Variants in SSC5D observed in about 807,000 individuals in gnomAD.
The protein encoded by SSC5D is soluble scavenger receptor cysteine-rich domain-containing protein SSC5D.
A neutral mutation model predicts 104.6 loss-of-function variants in SSC5D; 106 were observed. That is an observed-to-expected ratio of 1.01 (90% CI 0.87 to 1.19). The LOEUF is 1.19. Ranked by LOEUF, SSC5D falls within the 50% of genes most tolerant of loss-of-function variation. SSC5D has a pLI of 0.00. For synonymous variants in SSC5D, 860 were observed against 883.5 expected, an observed-to-expected ratio of 0.97 and a Z score of 0.47; for missense variants, 1,993 against 2,153.8, an observed-to-expected ratio of 0.93 and a Z score of 1.48.
intron 8 of SSC5D, among the ~76,000 whole-genome samples, chr19:55,497,642 G>A (rs886440606): frequency 6.6e-6 from 1 of 152,124 alleles, no homozygotes; most frequent in Non-Finnish European, 1.5e-5. Flanking sequence ...AATTTGATGT[G>A]TAGCTTTTTG....
chr19:55,504,082 C>T (rs1987581713), intron 12 of SSC5D: 3 of 1,528,316 alleles, frequency 2.0e-6, no homozygotes, highest in Admixed American at 3.9e-5. Context: ...GGGTGGGCTC[C>T]AGCTGTGAGT....
chr19:55,489,357 G>A lies in SSC5D; in HGVS notation c.56G>A (p.Arg19His), dbSNP rs1331595995. 8.3e-6 allele frequency: 12 copies of A among 1,451,412 alleles called. No individual in the cohort carries two copies. The highest frequency in any genetic ancestry group is 2.7e-5 in the East Asian group (1 of 37,176). 89.9% of individuals were successfully genotyped at this position (1,451,412 alleles called of 1,614,324 possible). The change falls in exon 3 of 14, where the codon CGC becomes CAC. Residue 19 changes from arginine to histidine, a missense_variant. Transcript: ENST00000389623. ...CAGCCATTCCTCCAACCCTCAGAGC[G>A]CCTGCGCCTGGCCGATGGCCCCCAT... is the stretch of plus-strand genomic sequence containing the variant. Reference protein sequence around the residue: ...AALVGIQAVERLRLADGPHGC... With the variant: ...AALVGIQAVEHLRLADGPHGC...
chr19:55,491,886 A>C (rs972306390), intron 6 of SSC5D: 1 of 152,256 alleles, frequency 6.6e-6, no homozygotes, highest in South Asian at 2.1e-4. Flanking sequence ...CATTGACTGT[A>C]GGAGGCCGGC....
In SSC5D at chr19:55,517,278, G is replaced by C. The variant is rs929654913; in HGVS notation, c.3002G>C (p.Arg1001Thr). ...CGGCCACCGCGGCCCGCTGCGACCA[G>C]GACAGCGCCCCCAACCCCGTCCCCA... ...ERRPPRPAAT[R>T]TAPPTPSPGP... The change falls in exon 14 of 14, where the codon AGG becomes ACG. Residue 1001 changes from arginine to threonine, a missense_variant. By Grantham distance (71) the Arg-to-Thr change is moderately conservative (BLOSUM62 -1). Around this residue, in one of 6 missense-constraint regions of SSC5D, gnomAD observed 423 missense variants for 409.2 expected, o/e 1.03. Transcript: ENST00000389623. 2 of 1,546,908 alleles carry C rather than the reference G, an allele frequency of 1.3e-6. No homozygotes were observed. The highest frequency in any genetic ancestry group is 2.7e-5 in the African/African-American group (2 of 72,952).
intron 12 of SSC5D, among the ~76,000 whole-genome samples, chr19:55,507,159 T>C (rs938913788): frequency 4.8e-5 from 7 of 146,796 alleles, no homozygotes; most frequent in African/African-American, 1.8e-4. Context: ...ACAGAGACTG[T>C]CTCGAAAAAA....
chr19:55,514,365 A>G (rs1987821386), intron 13 of SSC5D, among the ~76,000 whole-genome samples: 2 of 150,474 alleles, frequency 1.3e-5, no homozygotes, highest in South Asian at 4.2e-4. Flanking sequence ...AGATTGCGCC[A>G]CTGCACTCCA....
At position 55,493,870 on chromosome 19, in the gene SSC5D, C is replaced by T; in HGVS notation, c.1171C>T (p.His391Tyr). ...RFCPARPWGQ[H>Y]DCHHREDAGA... ...CTGCCCAGCTCGGCCCTGGGGCCAG[C>T]ATGACTGTCACCACCGCGAGGACGC... is the stretch of plus-strand genomic sequence containing the variant. Residue 391 changes from histidine (H) to tyrosine (Y), a missense_variant, in exon 7 of 14, where the codon CAT becomes TAT. Around this residue, in one of 6 missense-constraint regions of SSC5D, gnomAD observed 1,101 missense variants for 1,085.0 expected, o/e 1.01. Coordinates refer to ENST00000389623, the MANE Select transcript of SSC5D (RefSeq NM_001144950.2). The T allele has an allele frequency of 6.5e-7, 1 of 1,548,668 alleles. No individual in the cohort carries two copies. Among genetic ancestry groups the T allele is most frequent in the Non-Finnish European group, 8.7e-7 (1 of 1,146,658 alleles).
chr19:55,516,704 C>T (rs1053900730), intron 13 of SSC5D, among the ~76,000 whole-genome samples: 3 of 152,284 alleles, frequency 2.0e-5, no homozygotes, highest in Non-Finnish European at 4.4e-5. Flanking sequence ...GATCTTGCCA[C>T]CGCACTCCAG....
Position 55,517,348 on chromosome 19 carries a change from T to C in SSC5D, c.3072T>C (p.Ser1024=), listed in dbSNP as rs1268656214. The change falls in exon 14 of 14, where the codon TCT becomes TCC. Residue 1024 remains serine (S), a synonymous_variant. Transcript: ENST00000389623. ...GACCCCCAGGCCCAGCGCTGACCTCTGACTCCAGTCGAGAGCTCACTCCCC... is the reference window on the plus strand; with the variant it reads ...GACCCCCAGGCCCAGCGCTGACCTCCGACTCCAGTCGAGAGCTCACTCCCC... ...SPGPPGPALT[S]DSSRELTPHS... The C allele has an allele frequency of 2.6e-6, 4 of 1,550,290 alleles. No homozygotes were observed. The highest frequency in any genetic ancestry group is 3.5e-6 in the Non-Finnish European group (4 of 1,146,932).
chr19:55,505,984 G>A (rs914687727), intron 12 of SSC5D, among the ~76,000 whole-genome samples: 5 of 151,822 alleles, frequency 3.3e-5, no homozygotes, highest in African/African-American at 7.3e-5. Flanking sequence ...TGATCCACCC[G>A]CCTTGGTCAC....
chr19:55,507,100 C>T (rs10417714), intron 12 of SSC5D, among the ~76,000 whole-genome samples: 18,489 of 151,230 alleles, frequency 0.12, 1,259 homozygotes, highest in African/African-American at 0.17. Context: ...ACCTGGGAGG[C>T]GGAGGCCACA....
intron 1 of SSC5D, 104 bp from the exon 2 acceptor site, chr19:55,488,902 G>A (rs907394628): frequency 2.3e-5 from 3 of 132,410 alleles, no homozygotes; most frequent in East Asian, 5.3e-4. Context: ...GTGTGTGTGT[G>A]TGTGTGTGTG....
chr19:55,494,727 G>A lies in SSC5D; in HGVS notation c.1331G>A (p.Gly444Asp). Residue 444 changes from glycine (G) to aspartate (D), a missense_variant, in exon 8 of 14, where the codon GGC becomes GAC. Transcript: ENST00000389623. ...ACGAGCCAGGCTCCAGGGACGGCAG[G>A]CGTTTCACCTCCTCCAGCCTCCCCT... ...TMTSQAPGTAGVSPPPASPTV... is the reference protein window; with the variant it reads ...TMTSQAPGTADVSPPPASPTV... The A allele has an allele frequency of 3.9e-6, 6 of 1,550,284 alleles. No homozygotes were observed. The highest frequency in any genetic ancestry group is 5.2e-6 in the Non-Finnish European group (6 of 1,146,648).
intron 9 of SSC5D, among the ~76,000 whole-genome samples, 187 bp from the exon 10 acceptor site, chr19:55,499,629 G>A (rs1344750448): frequency 6.6e-6 from 1 of 152,194 alleles, no homozygotes; most frequent in Non-Finnish European, 1.5e-5. Context: ...GCTTGCCATA[G>A]GCTACCCGAG....
At position 55,495,233 on chromosome 19, in the gene SSC5D, A is replaced by ATATATATATATATAATT. The variant is rs1555765051; in HGVS notation, c.1387+451_1387+452insATATATATATATAATTT. Among the ~76,000 whole-genome samples, 6 of 50,664 alleles carry ATATATATATATATAATT rather than the reference A, an allele frequency of 1.2e-4. 1 individual carries two copies. In the East Asian group the frequency reaches 5.7e-3, roughly 48 times the overall value. 33.2% of individuals were successfully genotyped at this position (50,664 alleles called of 152,430 possible). Reference sequence around the variant, plus strand: ...CCTCCTTTCATATATATATATATATATTTTTTTTTTTTTTTTTTTTTTTTT... The same window carrying ATATATATATATATAATT: ...CCTCCTTTCATATATATATATATATATATATATATATATAATTTTTTTTTTTTTTTTTTTTTTTTTTT... On this transcript the variant is annotated intron_variant, in intron 8 of 13. Coordinates refer to ENST00000389623, the MANE Select transcript of SSC5D (RefSeq NM_001144950.2).
At position 55,518,977 on chromosome 19, in the gene SSC5D, A is replaced by G; in HGVS notation, c.4701A>G (p.Arg1567=). ...CCACTACCCCAGAGGAAGAAGAAAG[A>G]CCCCTGAGGGGAGACGTGTGACCCT... is the stretch of plus-strand genomic sequence containing the variant. The part of the protein sequence containing the change: ...PTTTTPEEEE[R]PLRGDV Residue 1567 remains arginine (R), a synonymous_variant, in exon 14 of 14, where the codon AGA becomes AGG. Coordinates refer to ENST00000389623, the MANE Select transcript of SSC5D (RefSeq NM_001144950.2). The G allele has an allele frequency of 6.5e-7, 1 of 1,549,934 alleles. No individual in the cohort carries two copies. Among genetic ancestry groups the G allele is most frequent in the Admixed American group, 2.0e-5 (1 of 50,926 alleles).
At position 55,493,846 on chromosome 19, in the gene SSC5D, T is replaced by C; in HGVS notation, c.1147T>C (p.Cys383Arg). The C allele has an allele frequency of 6.5e-7, 1 of 1,549,346 alleles. No individual in the cohort carries two copies. The highest frequency in any genetic ancestry group is 8.7e-7 in the Non-Finnish European group (1 of 1,146,640). ...CRGNETALRF[C>R]PARPWGQHDC... The stretch of plus-strand genomic sequence containing the variant: ...GGGAAACGAGACGGCCTTACGATTC[T>C]GCCCAGCTCGGCCCTGGGGCCAGCA... Residue 383 changes from cysteine to arginine, a missense_variant, in exon 7 of 14, where the codon TGC becomes CGC. Physicochemically the swap from Cys to Arg is radical, Grantham distance 180. Around this residue, in one of 6 missense-constraint regions of SSC5D, gnomAD observed 1,101 missense variants for 1,085.0 expected, o/e 1.01. Transcript: ENST00000389623.
intron 13 of SSC5D, 134 bp downstream of exon 13, chr19:55,513,306 C>A: frequency 1.0e-6 from 1 of 976,210 alleles, no homozygotes; most frequent in Non-Finnish European, 1.4e-6. Flanking sequence ...AAAGGGTTAT[C>A]GGCTGAGCAT....
rs1203262959 is a variant in SSC5D, at chr19:55,503,141, A to G, written c.2785+1940A>G. On this transcript the variant is annotated intron_variant, in intron 12 of 13. Transcript: ENST00000389623. The surrounding 1 kb of genome is among the most constrained non-coding windows in gnomAD (Gnocchi z 4.0). ...TTTTTTGTCGAGATGGGTTCTCACTATGTTGCCCAGGCTGGTCTCAAACTC... is the reference window on the plus strand; with the variant it reads ...TTTTTTGTCGAGATGGGTTCTCACTGTGTTGCCCAGGCTGGTCTCAAACTC... 1.3e-5 allele frequency among the ~76,000 whole-genome samples: 2 copies of G among 150,084 alleles called. No individual in the cohort carries two copies. Among genetic ancestry groups the G allele is most frequent in the Non-Finnish European group, 3.0e-5 (2 of 67,414 alleles).
Sources: gnomAD v4.1 joint callset for allele counts (sites outside exome capture counted in the v4.1 genomes callset) on GRCh38, gnomAD v4.1.1 for gene constraint, gnomAD v4.1.1 regional missense constraint, Gnocchi (gnomAD v3.1) non-coding constraint, MANE v1.5 for transcripts, NCBI Gene and HGNC (gene_info 2026-07-23, HGNC 2026-07-21) for gene names.